Variants in RPS6KC1 observed in about 807,000 individuals in gnomAD.
The protein encoded by RPS6KC1 is ribosomal protein S6 kinase C1, also known as inactive ribosomal protein S6 kinase delta-1.
In RPS6KC1, 54 loss-of-function variants were observed where a neutral mutation model predicts 103.8. The ratio of observed to expected loss-of-function variants is 0.52; its 90% CI spans 0.42 to 0.65. The LOEUF is 0.65. RPS6KC1 is among the 30% of genes least tolerant of loss of function. The probability of loss-of-function intolerance (pLI) is 0.00; values close to 1 mark genes in which losing one functional copy is unlikely to be tolerated. For synonymous variants in RPS6KC1, 439 were observed against 438.7 expected (o/e 1.00, Z -0.01); for missense variants, 1,151 against 1,253.8 (o/e 0.92, Z 1.24).
the RPS6KC1 span, among the ~76,000 whole-genome samples, chr1:213,597,800 A>G: frequency 1.3e-5 from 2 of 152,198 alleles, no homozygotes; most frequent in Non-Finnish European, 1.5e-5. Context: ...TGTTGTTGTT[A>G]GGAAAGATAC....
the RPS6KC1 span, among the ~76,000 whole-genome samples, chr1:213,395,150 G>A: frequency 6.6e-6 from 1 of 152,234 alleles, no homozygotes; most frequent in African/African-American, 2.4e-5. Flanking sequence ...AGTCCAGGGA[G>A]GATGGTGGAG....
chr1:213,718,021 G>A, the RPS6KC1 span, among the ~76,000 whole-genome samples: 1 of 152,188 alleles, frequency 6.6e-6, no homozygotes, highest in Non-Finnish European at 1.5e-5. Flanking sequence ...AAGGGAAAAA[G>A]AGAGGCCACG....
the RPS6KC1 span, among the ~76,000 whole-genome samples, chr1:213,430,637 A>G: frequency 1.3e-5 from 2 of 151,352 alleles, no homozygotes; most frequent in Admixed American, 6.6e-5. Flanking sequence ...TCCAGTCTGT[A>G]TTTTTTTTTC....
At chr1:213,646,468 T>C in the RPS6KC1 span, among the ~76,000 whole-genome samples, 2 of 152,170 alleles carry the variant, frequency 1.3e-5, no homozygotes, top group Non-Finnish European at 2.9e-5. Flanking sequence ...CAGGGATTCC[T>C]GGTGTTTAAA....
the RPS6KC1 span, among the ~76,000 whole-genome samples, chr1:213,739,031 A>G: frequency 6.6e-6 from 1 of 152,108 alleles, no homozygotes; most frequent in East Asian, 1.9e-4. Flanking sequence ...GAAACAGAGA[A>G]TACAGTTGAC....
chr1:213,858,776 G>A, the RPS6KC1 span, among the ~76,000 whole-genome samples: 1 of 152,268 alleles, frequency 6.6e-6, no homozygotes, highest in Middle Eastern at 3.4e-3. Flanking sequence ...GTTTTCTGAT[G>A]CTGTAAGAAA....
chr1:213,403,961 A>G, the RPS6KC1 span, among the ~76,000 whole-genome samples: 4 of 152,148 alleles, frequency 2.6e-5, no homozygotes, highest in Admixed American at 2.0e-4. Flanking sequence ...AGAGCTTGCC[A>G]TAGGGATTGG....
At chr1:213,104,238 C>G (rs2148776418) in intron 3 of RPS6KC1, among the ~76,000 whole-genome samples, 1 of 152,274 alleles carries the variant, frequency 6.6e-6, no homozygotes, top group South Asian at 2.1e-4. Context: ...TATCGGTTGA[C>G]ACCTTTGTCT....
chr1:213,072,184 A>G (rs1350482700), intron 2 of RPS6KC1, among the ~76,000 whole-genome samples: 1 of 150,954 alleles, frequency 6.6e-6, no homozygotes, highest in African/African-American at 2.4e-5. Context: ...TTTGGGTGGT[A>G]GGTTGTTTCT....
chr1:213,322,858 C>CT, the RPS6KC1 span, among the ~76,000 whole-genome samples: 3 of 149,110 alleles, frequency 2.0e-5, no homozygotes, highest in African/African-American at 7.4e-5. Flanking sequence ...AGTGATTCTC[C>CT]TGCTTCAGCC....
the RPS6KC1 span, among the ~76,000 whole-genome samples, chr1:213,529,220 T>C: frequency 6.6e-6 from 1 of 151,074 alleles, no homozygotes; most frequent in Non-Finnish European, 1.5e-5. Context: ...TTTGACTTAG[T>C]TGGGGGGATC....
At chr1:213,798,037 A>T in the RPS6KC1 span, among the ~76,000 whole-genome samples, 1 of 152,180 alleles carries the variant, frequency 6.6e-6, no homozygotes. Flanking sequence ...CGCCCCAGGG[A>T]GATAGTCTCT....
the RPS6KC1 span, among the ~76,000 whole-genome samples, chr1:213,595,038 A>C: frequency 6.6e-6 from 1 of 152,170 alleles, no homozygotes; most frequent in Non-Finnish European, 1.5e-5. Context: ...CCAGAACAAT[A>C]CTTCTTTATT....
chr1:213,645,135 T>A, the RPS6KC1 span, among the ~76,000 whole-genome samples: 1 of 152,164 alleles, frequency 6.6e-6, no homozygotes, highest in African/African-American at 2.4e-5. Context: ...TCTTCCCTCC[T>A]TCCTGTCTGG....
chr1:213,112,811 G>A (rs897387149), intron 4 of RPS6KC1, among the ~76,000 whole-genome samples: 7 of 151,744 alleles, frequency 4.6e-5, no homozygotes, highest in African/African-American at 1.7e-4. Context: ...GAGAATATGC[G>A]GTGTTTGGTT....
At chr1:213,279,901 G>A in the RPS6KC1 span, among the ~76,000 whole-genome samples, 3 of 152,160 alleles carry the variant, frequency 2.0e-5, no homozygotes, top group Admixed American at 2.0e-4. Flanking sequence ...TATTGAATTG[G>A]AACTCTGAGG....
chr1:213,080,750 C>A lies in RPS6KC1; in HGVS notation c.262+2934C>A, dbSNP rs1172752950. ...AGTCTAATTTTTGTAATTTTTGTAG[C>A]AACATGTTTTCACCATTTTGCCCAG... On this transcript the variant is annotated intron_variant, in intron 3 of 14. Transcript: ENST00000366960. Among the ~76,000 whole-genome samples the A allele has an allele frequency of 2.6e-5, 4 of 152,128 alleles. No homozygotes were observed. The East Asian group carries it at 7.7e-4, about 29-fold the overall frequency.
At chr1:213,818,916 G>A in the RPS6KC1 span, 5 of 152,244 alleles carry the variant, frequency 3.3e-5, no homozygotes, top group African/African-American at 1.2e-4. Context: ...CCCTGGGAGT[G>A]TTCGCTAGTC....
At chr1:213,239,397 G>A (rs2094300128) in intron 10 of RPS6KC1, among the ~76,000 whole-genome samples, 1 of 152,142 alleles carries the variant, frequency 6.6e-6, no homozygotes, top group African/African-American at 2.4e-5. Flanking sequence ...CTGCTACAAA[G>A]AGGTGTATGA....
Sources: gnomAD v4.1 joint callset for allele counts (sites outside exome capture counted in the v4.1 genomes callset) on GRCh38, gnomAD v4.1.1 for gene constraint, MANE v1.5 for transcripts, NCBI Gene and HGNC (gene_info 2026-07-23, HGNC 2026-07-21) for gene names.